SLC1A2: variants seen among roughly 807,000 people sequenced by gnomAD.
SLC1A2 encodes solute carrier family 1 member 2, also known as excitatory amino acid transporter 2.
SLC1A2 carries 15 observed loss-of-function variants against 48.8 expected under a neutral mutation model. That is an observed-to-expected ratio of 0.31 (90% CI 0.21 to 0.47). SLC1A2 has a LOEUF of 0.47. Among genes scored for constraint, SLC1A2 ranks in the 20% least tolerant of loss-of-function variants. The probability of loss-of-function intolerance (pLI) is 0.99; values close to 1 mark genes in which losing one functional copy is unlikely to be tolerated. For missense variants in SLC1A2, 502 were observed against 730.5 expected (o/e 0.69, Z 3.61); for synonymous variants, 279 against 272.6 (o/e 1.02, Z -0.23).
chr11:35,360,069 G>T, intron 1 of SLC1A2: 1 of 985,056 alleles, frequency 1.0e-6, no homozygotes, highest in Non-Finnish European at 1.2e-6. Context: ...CTCCAGGAAC[G>T]TGCTGGTCAC....
intron 1 of SLC1A2, among the ~76,000 whole-genome samples, chr11:35,410,965 C>T (rs1855442102): frequency 6.6e-6 from 1 of 152,166 alleles, no homozygotes; most frequent in Admixed American, 6.5e-5. Context: ...ACACCTCAAC[C>T]CCAGTGTATC....
chr11:35,373,700 G>A (rs148515351), intron 1 of SLC1A2, among the ~76,000 whole-genome samples: 1 of 152,296 alleles, frequency 6.6e-6, no homozygotes, highest in East Asian at 1.9e-4. Context: ...TGCAGCATGG[G>A]CAAGGGGCAT....
chr11:35,317,542 T>G, intron 1 of SLC1A2, 26 bp from the exon 2 acceptor site: 1 of 1,606,982 alleles, frequency 6.2e-7, no homozygotes, highest in South Asian at 1.1e-5. Flanking sequence ...AGGCAGAGAT[T>G]AGAGAGACTG....
At chr11:35,419,787 G>A (rs1855731304), upstream of SLC1A2, 4 of 320,504 alleles carry the variant, frequency 1.2e-5, no homozygotes, top group South Asian at 9.8e-5. The surrounding 1 kb of genome is among the most constrained non-coding windows in gnomAD (Gnocchi z 5.4). Flanking sequence ...GTCACCCCGT[G>A]CGGGGTGAAG....
rs1851752808 is a variant in SLC1A2, at chr11:35,312,880, G to A, written c.311-432C>T. The stretch of plus-strand genomic sequence containing the variant: ...ACAGATATGCAGGGCCGACTGTATT[G>A]AATATTTGATCAATCCCATAGTTTA... On this transcript the variant is annotated intron_variant, in intron 3 of 10. Transcript: ENST00000278379. Among the ~76,000 whole-genome samples, 3 of 151,944 alleles carry A rather than the reference G, an allele frequency of 2.0e-5. No homozygotes were observed. The South Asian group carries it at 6.2e-4, about 32-fold the overall frequency.
intron 1 of SLC1A2, among the ~76,000 whole-genome samples, chr11:35,327,737 C>G (rs746752994): frequency 6.6e-6 from 1 of 152,084 alleles, no homozygotes; most frequent in African/African-American, 2.4e-5. Flanking sequence ...TAATGACATC[C>G]CGGAGAGGGA....
chr11:35,273,265 A>C (rs867002399), intron 9 of SLC1A2, among the ~76,000 whole-genome samples: 1 of 152,194 alleles, frequency 6.6e-6, no homozygotes, highest in South Asian at 2.1e-4. Context: ...GAAGGCTGGC[A>C]CAGCTCTGGG....
At position 35,292,349 on chromosome 11, in the gene SLC1A2, G is replaced by A; in HGVS notation, c.1029C>T (p.Asn343=). The A allele has an allele frequency of 6.2e-7, 1 of 1,614,042 alleles. No homozygotes were observed. The highest frequency in any genetic ancestry group is 8.5e-7 in the Non-Finnish European group (1 of 1,179,942). ...AAATGCCAGCAAAAAAGGAGAAGGG[G>A]TTTTTCCTGGTCACTACAAAGTAAA... ...PLIYFVVTRK[N]PFSFFAGIFQ... is the part of the protein sequence containing the mutation. The change falls in exon 7 of 11, where the codon AAC becomes AAT. Residue 343 remains asparagine, a synonymous_variant. Coordinates refer to ENST00000278379, the MANE Select transcript of SLC1A2 (RefSeq NM_004171.4).
intron 2 of SLC1A2, chr11:35,316,518 C>G (rs1363584677): frequency 6.6e-6 from 1 of 152,232 alleles, no homozygotes; most frequent in Non-Finnish European, 1.5e-5. Flanking sequence ...GTGGCGAGCT[C>G]CCAGTCCTGA....
chr11:35,351,878 C>A (rs933444953), intron 1 of SLC1A2, among the ~76,000 whole-genome samples: 1 of 152,158 alleles, frequency 6.6e-6, no homozygotes. Context: ...TCATGATCCA[C>A]CCACCTCATT....
chr11:35,362,597 T>C (rs997794653), intron 1 of SLC1A2, among the ~76,000 whole-genome samples: 6 of 152,212 alleles, frequency 3.9e-5, no homozygotes, highest in Admixed American at 6.5e-5. Context: ...CATCAATACA[T>C]GTGAAAGTGC....
At chr11:35,373,260 G>A (rs1043452642) in intron 1 of SLC1A2, among the ~76,000 whole-genome samples, 1 of 152,206 alleles carries the variant, frequency 6.6e-6, no homozygotes, top group Non-Finnish European at 1.5e-5. Flanking sequence ...TTCTGCAGGA[G>A]CAGCTGCCCT....
intron 1 of SLC1A2, among the ~76,000 whole-genome samples, chr11:35,372,416 A>G (rs1339505415): frequency 6.6e-6 from 1 of 152,224 alleles, no homozygotes; most frequent in Non-Finnish European, 1.5e-5. Flanking sequence ...CAACTCCCAA[A>G]GCTAGATTAT....
intron 1 of SLC1A2, among the ~76,000 whole-genome samples, chr11:35,342,489 A>C (rs1465276849): frequency 2.0e-5 from 3 of 151,838 alleles, no homozygotes; most frequent in East Asian, 3.9e-4. Context: ...TATTTCTCTC[A>C]GATGTAATGT....
chr11:35,419,149 G>A lies in SLC1A2; in HGVS notation c.-183C>T. 6.0e-6 allele frequency: 3 copies of A among 497,696 alleles called. No individual in the cohort carries two copies. The highest frequency in any genetic ancestry group is 1.1e-5 in the Non-Finnish European group (3 of 282,286). 30.8% of individuals were successfully genotyped at this position (497,696 alleles called of 1,614,324 possible). On this transcript the variant is annotated 5_prime_UTR_variant, in exon 1 of 11. Coordinates refer to ENST00000278379, the MANE Select transcript of SLC1A2 (RefSeq NM_004171.4). The surrounding 1 kb of genome is among the most constrained non-coding windows in gnomAD (Gnocchi z 5.4). The stretch of plus-strand genomic sequence containing the variant: ...CTCAACGGGCGCAGGAGGCTCCTGC[G>A]GGCGCTAATCCGCGTCCCGGCTCTC...
At chr11:35,348,616 G>A in intron 1 of SLC1A2, among the ~76,000 whole-genome samples, 1 of 152,072 alleles carries the variant, frequency 6.6e-6, no homozygotes. Context: ...ACAGAGGCCA[G>A]GCATGGTGGC....
chr11:35,286,722 A>C, intron 8 of SLC1A2, 35 bp downstream of exon 8: 11 of 1,520,646 alleles, frequency 7.2e-6, no homozygotes, highest in Non-Finnish European at 8.1e-6. Flanking sequence ...GAAACAGGGT[A>C]GAGGTTGTTT....
chr11:35,352,695 GC>G (rs140298787), intron 1 of SLC1A2, among the ~76,000 whole-genome samples: 15,311 of 152,250 alleles, frequency 0.1, 921 homozygotes, highest in Middle Eastern at 0.15. Context: ...TGAGAGAGCT[GC>G]CCTTGTTTTG....
intron 1 of SLC1A2, among the ~76,000 whole-genome samples, chr11:35,398,851 G>A (rs998529190): frequency 6.6e-6 from 1 of 152,166 alleles, no homozygotes; most frequent in Non-Finnish European, 1.5e-5. Context: ...ATAGAAAGTC[G>A]TACCGCTGCC....
Sources: gnomAD v4.1 joint callset for allele counts (sites outside exome capture counted in the v4.1 genomes callset) on GRCh38, gnomAD v4.1.1 for gene constraint, Gnocchi (gnomAD v3.1) non-coding constraint, MANE v1.5 for transcripts, NCBI Gene and HGNC (gene_info 2026-07-23, HGNC 2026-07-21) for gene names.